The following HERC1 variants were observed in gnomAD, a reference collection of about 807,000 sequenced individuals.
HERC1 encodes HECT and RLD domain containing E3 ubiquitin protein ligase family member 1, also known as probable E3 ubiquitin-protein ligase HERC1.
In HERC1, 160 loss-of-function variants were observed where a neutral mutation model predicts 554.3. The ratio of observed to expected loss-of-function variants is 0.29; its 90% CI spans 0.25 to 0.33. The LOEUF is 0.33. Ranked by LOEUF, HERC1 falls within the 10% of genes least tolerant of loss-of-function variation. HERC1 has a pLI of 1.00. For synonymous variants in HERC1, 2,175 were observed against 2,131.7 expected (o/e 1.02, Z -0.56); for missense variants, 4,919 against 5,918.5 (o/e 0.83, Z 5.54).
chr15:63,652,306 A>C (rs2069733744), intron 52 of HERC1, 108 bp downstream of exon 52: 1 of 1,038,214 alleles, frequency 9.6e-7, no homozygotes, highest in Admixed American at 3.5e-5. Flanking sequence ...ATCTAAAAGA[A>C]AATTTCAAAA....
rs1567069706 is a variant in HERC1, at chr15:63,737,471, CTTTTTTCCAGATATATATATAT to C, written c.2521-2644_2521-2623del. ...TTTTTCCAGATATATATATATATAT[CTTTTTTCCAGATATATATATAT>C]ACATATATATATCTTTTTTCCAGAT... On this transcript the variant is annotated intron_variant, in intron 12 of 77. Transcript: ENST00000443617. Among the ~76,000 whole-genome samples, 174 of 35,512 alleles carry C rather than the reference CTTTTTTCCAGATATATATATAT, an allele frequency of 4.9e-3. 17 individuals carry two copies. Among genetic ancestry groups the C allele is most frequent in the African/African-American group, 0.017 (165 of 9,658 alleles). 23.3% of individuals were successfully genotyped at this position (35,512 alleles called of 152,430 possible).
intron 3 of HERC1, among the ~76,000 whole-genome samples, chr15:63,762,364 C>A (rs2075639302): frequency 6.6e-6 from 1 of 152,088 alleles, no homozygotes. Flanking sequence ...GGTCTTATTG[C>A]TCAGGCTGGA....
In HERC1 at chr15:63,754,489, A is replaced by T. The variant is rs763617132; in HGVS notation, c.1774+16T>A. The T allele has an allele frequency of 2.6e-6, 4 of 1,552,624 alleles. No individual in the cohort carries two copies. The highest frequency in any genetic ancestry group is 4.1e-5 in the Admixed American group (2 of 49,246). On this transcript the variant is annotated intron_variant, in intron 7 of 77. Transcript: ENST00000443617. Reference sequence around the variant, plus strand: ...AGAAAAAAGCCAAAGCTACTGATAAATAATTTTTTACATACCATTGTCTCC... The same window carrying T: ...AGAAAAAAGCCAAAGCTACTGATAATTAATTTTTTACATACCATTGTCTCC...
chr15:63,635,069 A>G (rs1257946009), intron 65 of HERC1, 181 bp from the exon 66 acceptor site: 4 of 421,974 alleles, frequency 9.5e-6, no homozygotes, highest in Non-Finnish European at 1.7e-5. Flanking sequence ...TTTTAAAGAG[A>G]CAGTGTCTTG....
chr15:63,625,835 G>A, intron 71 of HERC1, 150 bp downstream of exon 71: 2 of 805,828 alleles, frequency 2.5e-6, no homozygotes, highest in Non-Finnish European at 4.2e-6. Flanking sequence ...CCCTAACACA[G>A]CAATAAAATG....
At chr15:63,652,320 T>G in intron 52 of HERC1, 94 bp downstream of exon 52, 2 of 1,192,020 alleles carry the variant, frequency 1.7e-6, no homozygotes, top group Non-Finnish European at 2.2e-6. Context: ...TTCAAAAAAT[T>G]TTAGTGACAA....
chr15:63,748,874 C>T (rs1389012528), intron 10 of HERC1, among the ~76,000 whole-genome samples: 1 of 151,640 alleles, frequency 6.6e-6, no homozygotes, highest in Non-Finnish European at 1.5e-5. Flanking sequence ...ACCTGATGGA[C>T]TAAACACGTA....
At chr15:63,701,473 A>G (rs1251483365) in intron 25 of HERC1, among the ~76,000 whole-genome samples, 1 of 152,230 alleles carries the variant, frequency 6.6e-6, no homozygotes, top group Non-Finnish European at 1.5e-5. Context: ...GCCAGACAGT[A>G]AATATTTTAG....
intron 68 of HERC1, 44 bp downstream of exon 68, chr15:63,632,665 T>C (rs1566956343): frequency 7.8e-7 from 1 of 1,275,380 alleles, no homozygotes; most frequent in African/African-American, 1.5e-5. Flanking sequence ...GGCCAATGTT[T>C]ATAATGATGT....
At chr15:63,706,995 A>G (rs1286397958) in intron 24 of HERC1, among the ~76,000 whole-genome samples, 164 bp from the exon 25 acceptor site, 1 of 152,200 alleles carries the variant, frequency 6.6e-6, no homozygotes, top group African/African-American at 2.4e-5. Flanking sequence ...AAACCCACTG[A>G]ACATAGCTAT....
At chr15:63,689,079 A>C (rs1329619597) in intron 33 of HERC1, among the ~76,000 whole-genome samples, 2 of 152,230 alleles carry the variant, frequency 1.3e-5, no homozygotes, top group African/African-American at 2.4e-5. Context: ...TAAAAGTGGC[A>C]CCAAAAAAGA....
intron 1 of HERC1, among the ~76,000 whole-genome samples, chr15:63,795,330 G>C (rs1238923399): frequency 6.6e-6 from 1 of 152,042 alleles, no homozygotes; most frequent in Non-Finnish European, 1.5e-5. Flanking sequence ...TAGATAAAGA[G>C]TAGTGATAAT....
chr15:63,657,491 C>T (rs947104160), intron 48 of HERC1, among the ~76,000 whole-genome samples: 7 of 151,994 alleles, frequency 4.6e-5, no homozygotes, highest in Non-Finnish European at 2.9e-5. Context: ...TCTGGGTTGT[C>T]TTTTTCTTGT....
chr15:63,686,844 A>C (rs2153023089), intron 33 of HERC1, among the ~76,000 whole-genome samples: 1 of 152,332 alleles, frequency 6.6e-6, no homozygotes, highest in East Asian at 1.9e-4. Context: ...AGGACAAGGT[A>C]ATGTTCAAAA....
intron 36 of HERC1, among the ~76,000 whole-genome samples, chr15:63,678,917 T>G (rs1355339819): frequency 6.6e-6 from 1 of 152,206 alleles, no homozygotes; most frequent in African/African-American, 2.4e-5. Flanking sequence ...AACCTGACAC[T>G]AATAATAGCA....
intron 39 of HERC1, 70 bp downstream of exon 39, chr15:63,672,426 A>G: frequency 9.2e-7 from 1 of 1,086,800 alleles, no homozygotes; most frequent in Non-Finnish European, 1.3e-6. Context: ...CATACTATTC[A>G]TATGAGGACA....
intron 33 of HERC1, among the ~76,000 whole-genome samples, chr15:63,688,643 T>C (rs2153031334): frequency 6.6e-6 from 1 of 152,132 alleles, no homozygotes; most frequent in African/African-American, 2.4e-5. Context: ...AAGAAGAACC[T>C]ATAAAGGAGA....
chr15:63,816,757 A>T (rs2077505917), intron 1 of HERC1, among the ~76,000 whole-genome samples: 1 of 152,224 alleles, frequency 6.6e-6, no homozygotes, highest in Admixed American at 6.5e-5. Context: ...TGTCCTAAAC[A>T]TACAACTTAC....
chr15:63,675,687 A>G (rs1363481485), intron 37 of HERC1, among the ~76,000 whole-genome samples: 4 of 152,222 alleles, frequency 2.6e-5, no homozygotes, highest in African/African-American at 9.6e-5. Context: ...CTATAGTTTA[A>G]GCCAAAATAT....
Sources: allele counts gnomAD v4.1 joint callset (sites outside exome capture counted in the v4.1 genomes callset), GRCh38; gene constraint gnomAD v4.1.1; transcripts MANE v1.5; gene names NCBI Gene and HGNC (gene_info 2026-07-23, HGNC 2026-07-21).